The following PCDH9 variants were observed in gnomAD, a reference collection of about 807,000 sequenced individuals.
PCDH9 encodes protocadherin 9.
A neutral mutation model predicts 70.6 loss-of-function variants in PCDH9; 24 were observed. The ratio of observed to expected loss-of-function variants is 0.34; its 90% CI spans 0.25 to 0.48. The LOEUF (loss-of-function observed/expected upper bound fraction) is 0.48, where lower values mean the gene tolerates loss of function less well. Ranked by LOEUF, PCDH9 falls within the 20% of genes least tolerant of loss-of-function variation. The pLI, the probability that PCDH9 is intolerant of heterozygous loss-of-function variation, is 0.99. For missense variants in PCDH9, 1,281 were observed against 1,503.6 expected, an observed-to-expected ratio of 0.85 and a Z score of 2.45; for synonymous variants, 562 against 558.5, an observed-to-expected ratio of 1.01 and a Z score of -0.09.
chr13:66,923,240 A>G (rs1566295491), intron 2 of PCDH9, among the ~76,000 whole-genome samples: 1 of 151,590 alleles, frequency 6.6e-6, no homozygotes, highest in East Asian at 1.9e-4. Flanking sequence ...TAGTACACAT[A>G]AACAGTTTTA....
chr13:67,004,140 CT>C (rs71802070), intron 2 of PCDH9, among the ~76,000 whole-genome samples: 26,882 of 148,410 alleles, frequency 0.18, 2,476 homozygotes, highest in Middle Eastern at 0.24. Context: ...TAAAAATTAA[CT>C]TTTTTTTTTT....
At chr13:66,901,812 T>C (rs550215663) in intron 3 of PCDH9, among the ~76,000 whole-genome samples, 8 of 151,846 alleles carry the variant, frequency 5.3e-5, no homozygotes, top group Non-Finnish European at 1.2e-4. Context: ...AAATCTCCAA[T>C]AAATCATCTC....
chr13:66,935,036 A>G (rs916212392), intron 2 of PCDH9, among the ~76,000 whole-genome samples: 2 of 151,606 alleles, frequency 1.3e-5, no homozygotes, highest in Non-Finnish European at 2.9e-5. Context: ...GCATTTTTAT[A>G]CTTCACTAAT....
chr13:66,698,579 A>G (rs2078593909), intron 3 of PCDH9, among the ~76,000 whole-genome samples: 1 of 151,974 alleles, frequency 6.6e-6, no homozygotes, highest in Non-Finnish European at 1.5e-5. Context: ...ATTTTGTTTT[A>G]TTTTATTTTA....
chr13:66,905,703 T>C (rs1286787104), intron 2 of PCDH9, among the ~76,000 whole-genome samples: 1 of 139,372 alleles, frequency 7.2e-6, no homozygotes, highest in Non-Finnish European at 1.6e-5. Context: ...TGTCTGAACC[T>C]GAAAAAAAAA....
intron 3 of PCDH9, among the ~76,000 whole-genome samples, chr13:66,738,751 G>A (rs1295886334): frequency 6.6e-6 from 1 of 151,852 alleles, no homozygotes; most frequent in Non-Finnish European, 1.5e-5. Flanking sequence ...AGCAATGGAA[G>A]ACGAAATGAA....
intron 2 of PCDH9, among the ~76,000 whole-genome samples, chr13:66,908,784 A>G (rs899401708): frequency 2.0e-5 from 3 of 152,092 alleles, no homozygotes; most frequent in Admixed American, 6.6e-5. Flanking sequence ...ATCTTTAATC[A>G]TAACTAGAAA....
At chr13:67,128,608 CCT>C (rs1194428377) in intron 2 of PCDH9, among the ~76,000 whole-genome samples, 2 of 152,084 alleles carry the variant, frequency 1.3e-5, no homozygotes, top group Non-Finnish European at 2.9e-5. Flanking sequence ...CTGCTCTCTC[CCT>C]CTGTCATTTC....
At chr13:66,495,322 G>A (rs1017363737) in intron 4 of PCDH9, among the ~76,000 whole-genome samples, 3 of 152,134 alleles carry the variant, frequency 2.0e-5, no homozygotes, top group Non-Finnish European at 4.4e-5. Context: ...TTACAGGCAG[G>A]CTTTAAGCAA....
intron 2 of PCDH9, among the ~76,000 whole-genome samples, chr13:67,017,640 T>G (rs1377100317): frequency 6.6e-6 from 1 of 152,198 alleles, no homozygotes; most frequent in South Asian, 2.1e-4. Flanking sequence ...TATTTTAGTA[T>G]TTTTAGAACT....
At chr13:66,359,995 AGTTT>A (rs1441876659) in intron 4 of PCDH9, among the ~76,000 whole-genome samples, 1 of 152,062 alleles carries the variant, frequency 6.6e-6, no homozygotes, top group Non-Finnish European at 1.5e-5. Context: ...AGAAGTTTAA[AGTTT>A]GTTTGGTTAG....
chr13:66,772,028 T>C (rs2079816564), intron 3 of PCDH9, among the ~76,000 whole-genome samples: 1 of 152,234 alleles, frequency 6.6e-6, no homozygotes, highest in East Asian at 1.9e-4. Context: ...ATAATTAAAA[T>C]TTCACAAAAA....
chr13:66,384,279 G>C (rs904806160), intron 4 of PCDH9, among the ~76,000 whole-genome samples: 14 of 152,008 alleles, frequency 9.2e-5, no homozygotes, highest in Non-Finnish European at 2.1e-4. Flanking sequence ...AGTAACCTTA[G>C]CTTTAGAAGA....
At chr13:67,067,067 T>C (rs1266520622) in intron 2 of PCDH9, among the ~76,000 whole-genome samples, 1 of 152,150 alleles carries the variant, frequency 6.6e-6, no homozygotes, top group Non-Finnish European at 1.5e-5. Flanking sequence ...TCAGGCTTGC[T>C]GCGGTTATTT....
At chr13:66,450,985 C>T (rs1461943782) in intron 4 of PCDH9, among the ~76,000 whole-genome samples, 1 of 152,096 alleles carries the variant, frequency 6.6e-6, no homozygotes, top group East Asian at 1.9e-4. Context: ...CCACTGTACT[C>T]CAGCCTGGGC....
At chr13:66,975,929 A>G (rs2083610634) in intron 2 of PCDH9, among the ~76,000 whole-genome samples, 1 of 152,064 alleles carries the variant, frequency 6.6e-6, no homozygotes. Flanking sequence ...TGGAAGAGCA[A>G]TTCAGTAATC....
chr13:66,989,319 C>T (rs1392019625), intron 2 of PCDH9, among the ~76,000 whole-genome samples: 1 of 151,666 alleles, frequency 6.6e-6, no homozygotes, highest in Non-Finnish European at 1.5e-5. Context: ...CACCAAAATC[C>T]CAAATGACCT....
At chr13:67,028,161 A>G (rs954212214) in intron 2 of PCDH9, among the ~76,000 whole-genome samples, 1 of 148,884 alleles carries the variant, frequency 6.7e-6, no homozygotes, top group African/African-American at 2.5e-5. Context: ...AAAGACTTGG[A>G]AACAACCCAA....
At chr13:67,079,890 T>C (rs531349984) in intron 2 of PCDH9, among the ~76,000 whole-genome samples, 1 of 152,282 alleles carries the variant, frequency 6.6e-6, no homozygotes, top group African/African-American at 2.4e-5. Flanking sequence ...TGATTTCAAG[T>C]TTTAGACATT....
Sources: gnomAD v4.1 joint callset for allele counts (sites outside exome capture counted in the v4.1 genomes callset) on GRCh38, gnomAD v4.1.1 for gene constraint, MANE v1.5 for transcripts, NCBI Gene and HGNC (gene_info 2026-07-23, HGNC 2026-07-21) for gene names.